Variants in SLC25A21 observed in about 807,000 individuals in gnomAD.
SLC25A21 encodes the protein mitochondrial 2-oxodicarboxylate carrier.
In SLC25A21, 47 loss-of-function variants were observed where a neutral mutation model predicts 43.8. The observed-to-expected ratio is 1.07, with a 90% CI of 0.85 to 1.37. The LOEUF is 1.37. SLC25A21 is among the 40% of genes most tolerant of loss of function. The probability of loss-of-function intolerance (pLI) is 0.00; values close to 1 mark genes in which losing one functional copy is unlikely to be tolerated. For synonymous variants in SLC25A21, 131 were observed against 121.3 expected, an observed-to-expected ratio of 1.08 and a Z score of -0.52; for missense variants, 352 against 350.2, an observed-to-expected ratio of 1.00 and a Z score of -0.04.
At chr14:36,777,277 A>C (rs1886872356) in intron 3 of SLC25A21, among the ~76,000 whole-genome samples, 1 of 152,114 alleles carries the variant, frequency 6.6e-6, no homozygotes. Flanking sequence ...AAAACAAAAA[A>C]CACAACAAAA....
chr14:36,766,045 T>C (rs1886402386), intron 3 of SLC25A21, among the ~76,000 whole-genome samples: 1 of 151,222 alleles, frequency 6.6e-6, no homozygotes, highest in Non-Finnish European at 1.5e-5. Context: ...TTTTTTTGAG[T>C]GAAATATCAT....
intron 3 of SLC25A21, among the ~76,000 whole-genome samples, chr14:36,785,765 G>T (rs543871804): frequency 6.6e-6 from 1 of 152,020 alleles, no homozygotes; most frequent in Non-Finnish European, 1.5e-5. Context: ...GAATAATGAC[G>T]GTGCAAGAAC....
intron 1 of SLC25A21, among the ~76,000 whole-genome samples, chr14:37,099,485 T>C (rs1962775143): frequency 6.6e-6 from 1 of 152,146 alleles, no homozygotes. Flanking sequence ...GCTTTTGTTC[T>C]TAGTAGTCAA....
chr14:37,140,152 G>T (rs1414478906), intron 1 of SLC25A21, among the ~76,000 whole-genome samples: 1 of 152,108 alleles, frequency 6.6e-6, no homozygotes, highest in East Asian at 1.9e-4. Context: ...ATGGTTTTCT[G>T]AACCACCTCA....
At position 37,018,038 on chromosome 14, in the gene SLC25A21, A is replaced by C. The variant is rs575833473; in HGVS notation, c.71-143034T>G. Among the ~76,000 whole-genome samples, 6 of 152,098 alleles carry C rather than the reference A, an allele frequency of 3.9e-5. No homozygotes were observed. The South Asian group carries it at 1.2e-3, about 32-fold the overall frequency. ...ATATACATAATAATGACATATATGG[A>C]AATTGATTAAATTATGGTAGAGCTA... On this transcript the variant is annotated intron_variant, in intron 1 of 9. Coordinates refer to ENST00000331299, the MANE Select transcript of SLC25A21 (RefSeq NM_030631.4).
At chr14:36,863,427 A>G (rs1177400634) in intron 2 of SLC25A21, among the ~76,000 whole-genome samples, 1 of 151,752 alleles carries the variant, frequency 6.6e-6, no homozygotes, top group Non-Finnish European at 1.5e-5. Flanking sequence ...TTAAAGAGAG[A>G]TTACACACTT....
At chr14:36,701,637 C>G (rs1449398590) in intron 7 of SLC25A21, among the ~76,000 whole-genome samples, 1 of 151,982 alleles carries the variant, frequency 6.6e-6, no homozygotes, top group Non-Finnish European at 1.5e-5. Flanking sequence ...ATAGTTATCT[C>G]TTGATTATAT....
At chr14:36,839,652 T>C (rs889541636) in intron 2 of SLC25A21, among the ~76,000 whole-genome samples, 18 of 152,160 alleles carry the variant, frequency 1.2e-4, no homozygotes, top group Non-Finnish European at 2.2e-4. Context: ...TCAAGGCTTA[T>C]CTGCAGTCAT....
chr14:36,851,234 C>A (rs1423121021), intron 2 of SLC25A21, among the ~76,000 whole-genome samples: 1 of 152,116 alleles, frequency 6.6e-6, no homozygotes, highest in Non-Finnish European at 1.5e-5. Flanking sequence ...CCAATCACAC[C>A]TAATTTCAGT....
At chr14:36,888,565 T>C (rs1890989513) in intron 1 of SLC25A21, among the ~76,000 whole-genome samples, 1 of 152,046 alleles carries the variant, frequency 6.6e-6, no homozygotes, top group African/African-American at 2.4e-5. Flanking sequence ...TATGTATGAA[T>C]ATGTGAGATA....
intron 1 of SLC25A21, among the ~76,000 whole-genome samples, chr14:36,943,441 C>G (rs193099797): frequency 6.6e-6 from 1 of 152,340 alleles, no homozygotes; most frequent in African/African-American, 2.4e-5. Context: ...ATCTGCCCGC[C>G]TTGGCCTCCC....
At chr14:37,086,172 A>G (rs116167569) in intron 1 of SLC25A21, among the ~76,000 whole-genome samples, 3,760 of 152,010 alleles carry the variant, frequency 0.025, 56 homozygotes, top group Middle Eastern at 0.048. Flanking sequence ...TTTTTTTATT[A>G]TTGTTGCTTC....
At chr14:37,077,213 A>G (rs967642236) in intron 1 of SLC25A21, among the ~76,000 whole-genome samples, 5 of 152,252 alleles carry the variant, frequency 3.3e-5, no homozygotes, top group African/African-American at 4.8e-5. Context: ...AGTTTTTTAC[A>G]GAAGATGCTA....
intron 1 of SLC25A21, among the ~76,000 whole-genome samples, chr14:36,892,515 G>T (rs945414093): frequency 7.2e-5 from 11 of 151,950 alleles, no homozygotes; most frequent in Non-Finnish European, 1.3e-4. Flanking sequence ...GTTAAATAAG[G>T]CCAGGAACAG....
At chr14:36,857,250 G>T (rs982833307) in intron 2 of SLC25A21, among the ~76,000 whole-genome samples, 1 of 152,170 alleles carries the variant, frequency 6.6e-6, no homozygotes, top group South Asian at 2.1e-4. Context: ...TGGAGGGCAG[G>T]CCCAACACTG....
intron 1 of SLC25A21, among the ~76,000 whole-genome samples, chr14:37,121,433 C>A (rs184915728): frequency 6.6e-6 from 1 of 152,222 alleles, no homozygotes; most frequent in East Asian, 1.9e-4. Context: ...GAGGGAGGTA[C>A]AAAACAAGTT....
At chr14:37,087,123 A>T (rs10148774) in intron 1 of SLC25A21, among the ~76,000 whole-genome samples, 139,940 of 152,230 alleles carry the variant, frequency 0.92, 64,432 homozygotes, top group East Asian at 1. Flanking sequence ...TTCATTAAAC[A>T]GTTTTTTAAT....
chr14:36,913,038 G>T (rs1566733533), intron 1 of SLC25A21, among the ~76,000 whole-genome samples: 1 of 152,104 alleles, frequency 6.6e-6, no homozygotes, highest in Non-Finnish European at 1.5e-5. Flanking sequence ...TTGGCTGAGA[G>T]AATTTTTTCT....
At chr14:37,133,132 T>A (rs1963418068) in intron 1 of SLC25A21, among the ~76,000 whole-genome samples, 1 of 132,138 alleles carries the variant, frequency 7.6e-6, no homozygotes, top group South Asian at 2.6e-4. Context: ...CACCTTACTG[T>A]GTGCACTCGT....
Sources: gnomAD v4.1 joint callset for allele counts (sites outside exome capture counted in the v4.1 genomes callset) on GRCh38, gnomAD v4.1.1 for gene constraint, MANE v1.5 for transcripts, NCBI Gene and HGNC (gene_info 2026-07-23, HGNC 2026-07-21) for gene names.